CD109: variants seen among roughly 807,000 people sequenced by gnomAD.
CD109 encodes CD109 molecule, also known as CD109 antigen.
CD109 carries 149 observed loss-of-function variants against 165.8 expected under a neutral mutation model. That is an observed-to-expected ratio of 0.90 (90% confidence interval 0.79 to 1.03). CD109 has a LOEUF of 1.03. Among genes scored for constraint, CD109 ranks in the 50% least tolerant of loss-of-function variants. The probability of loss-of-function intolerance (pLI) is 0.00; values close to 1 mark genes in which losing one functional copy is unlikely to be tolerated. For synonymous variants in CD109, 585 were observed against 592.1 expected, an observed-to-expected ratio of 0.99 and a Z score of 0.18; for missense variants, 1,712 against 1,677.8, an observed-to-expected ratio of 1.02 and a Z score of -0.36.
chr6:73,719,232 G>T (rs1771858840), intron 2 of CD109, among the ~76,000 whole-genome samples: 1 of 152,166 alleles, frequency 6.6e-6, no homozygotes, highest in Non-Finnish European at 1.5e-5. Flanking sequence ...TTAAAGAGTT[G>T]CTAGTTAATC....
Position 73,788,503 on chromosome 6 carries a change from C to T in CD109, c.2592C>T (p.Ile864=). 2 of 1,611,512 alleles carry T rather than the reference C, an allele frequency of 1.2e-6. No homozygotes were observed. The highest frequency in any genetic ancestry group is 1.7e-6 in the Non-Finnish European group (2 of 1,179,420). The stretch of plus-strand genomic sequence containing the variant: ...TAGAAAAATCATATTCACAATCCAT[C>T]TTATTAGACTTGACTGACAATAGGC... ...EGIEKSYSQS[I]LLDLTDNRLQ... Residue 864 remains isoleucine, a synonymous_variant, in exon 22 of 33, where the codon ATC becomes ATT. Coordinates refer to ENST00000287097, the MANE Select transcript of CD109 (RefSeq NM_133493.5).
chr6:73,737,226 T>C (rs2150188200), intron 5 of CD109, among the ~76,000 whole-genome samples: 1 of 152,318 alleles, frequency 6.6e-6, no homozygotes, highest in Non-Finnish European at 1.5e-5. Context: ...ATAATCAACT[T>C]TTTCTGTATC....
chr6:73,748,059 G>A (rs1159644314), intron 5 of CD109, among the ~76,000 whole-genome samples: 1 of 151,772 alleles, frequency 6.6e-6, no homozygotes, highest in African/African-American at 2.4e-5. Context: ...TTGTAGAGAT[G>A]GGGTTTCACC....
intron 22 of CD109, among the ~76,000 whole-genome samples, chr6:73,790,471 C>A (rs569855870): frequency 6.6e-6 from 1 of 152,070 alleles, no homozygotes; most frequent in Admixed American, 6.5e-5. Context: ...GAAACAGAAC[C>A]AATAGGAGAT....
chr6:73,769,357 A>G (rs924692885), intron 14 of CD109, among the ~76,000 whole-genome samples: 3 of 152,210 alleles, frequency 2.0e-5, no homozygotes, highest in African/African-American at 7.2e-5. Context: ...ATTGCCTGAC[A>G]AAGGTGAATT....
chr6:73,680,425 A>T, the CD109 span, among the ~76,000 whole-genome samples: 21 of 152,180 alleles, frequency 1.4e-4, no homozygotes, highest in Admixed American at 1.2e-3. Flanking sequence ...AATTGCCCCT[A>T]AGCCAAGACA....
intron 29 of CD109, among the ~76,000 whole-genome samples, chr6:73,813,957 A>G (rs1775842080): frequency 1.3e-5 from 2 of 152,160 alleles, no homozygotes; most frequent in South Asian, 4.1e-4. Context: ...GGAATACTCT[A>G]TAATTTAATC....
chr6:73,728,384 G>A (rs2150176789), intron 3 of CD109, among the ~76,000 whole-genome samples: 1 of 152,232 alleles, frequency 6.6e-6, no homozygotes, highest in African/African-American at 2.4e-5. Flanking sequence ...TCATTTGAAG[G>A]TGACATACTG....
intron 32 of CD109, among the ~76,000 whole-genome samples, chr6:73,822,128 A>G (rs1203237854): frequency 1.3e-5 from 2 of 152,206 alleles, no homozygotes; most frequent in East Asian, 1.9e-4. Context: ...TTTAGGACGT[A>G]AAAATAGAGA....
rs774672922 is a variant in CD109, at chr6:73,783,765, G to A, written c.2164G>A (p.Ala722Thr). The A allele has an allele frequency of 4.3e-6, 7 of 1,613,304 alleles. No homozygotes were observed. Among genetic ancestry groups the A allele is most frequent in the South Asian group, 1.1e-5 (1 of 91,044 alleles). The change falls in exon 19 of 33, where the codon GCT (alanine) becomes ACT (threonine). Residue 722 changes from alanine (A) to threonine (T), a missense_variant. Transcript: ENST00000287097. ...ACCTGATTCTATCACTTCTTGGGTG[G>A]CTACTGGTTTTGTGATCTCTGAGGA... ...TVPDSITSWV[A>T]TGFVISEDLG...
chr6:73,720,802 C>T (rs143213254), intron 2 of CD109, among the ~76,000 whole-genome samples: 1 of 152,272 alleles, frequency 6.6e-6, no homozygotes, highest in African/African-American at 2.4e-5. Context: ...CCTGGTGAGG[C>T]CTCATCTTGT....
intron 2 of CD109, among the ~76,000 whole-genome samples, chr6:73,714,396 T>C (rs1371393873): frequency 6.6e-6 from 1 of 152,198 alleles, no homozygotes; most frequent in East Asian, 1.9e-4. Flanking sequence ...CAACTCTCAC[T>C]GGCCCTGACT....
chr6:73,747,321 C>T (rs1273484879), intron 5 of CD109, among the ~76,000 whole-genome samples: 4 of 152,102 alleles, frequency 2.6e-5, no homozygotes, highest in African/African-American at 7.2e-5. Flanking sequence ...CTTCACATTC[C>T]CATTCTAGCC....
At chr6:73,791,219 AT>A (rs1774952985) in intron 22 of CD109, among the ~76,000 whole-genome samples, 4 of 87,700 alleles carry the variant, frequency 4.6e-5, no homozygotes, top group African/African-American at 1.2e-4. Flanking sequence ...ATATATATAT[AT>A]AATTTTTTTT....
At chr6:73,817,317 C>T (rs1346979786) in intron 30 of CD109, among the ~76,000 whole-genome samples, 1 of 151,894 alleles carries the variant, frequency 6.6e-6, no homozygotes, top group Non-Finnish European at 1.5e-5. Context: ...AGCATATTGA[C>T]TGTTTTTTTC....
the CD109 span, among the ~76,000 whole-genome samples, chr6:73,681,883 C>G: frequency 6.6e-6 from 1 of 151,994 alleles, no homozygotes; most frequent in Non-Finnish European, 1.5e-5. Flanking sequence ...GATTACAGGT[C>G]TGAGCCACCG....
intron 22 of CD109, among the ~76,000 whole-genome samples, chr6:73,789,777 C>CTT: frequency 7.4e-6 from 1 of 134,332 alleles, no homozygotes. Flanking sequence ...TTTTTTTTTC[C>CTT]TTTGATGGAG....
intron 32 of CD109, 91 bp from the exon 33 acceptor site, chr6:73,823,365 CAG>C: frequency 2.1e-6 from 2 of 954,652 alleles, no homozygotes; most frequent in Non-Finnish European, 3.1e-6. Context: ...ATGGAAAACT[CAG>C]AAAAGTGTAT....
At chr6:73,703,166 C>A (rs1252133006) in intron 2 of CD109, among the ~76,000 whole-genome samples, 1 of 152,200 alleles carries the variant, frequency 6.6e-6, no homozygotes, top group East Asian at 1.9e-4. Context: ...TTAGTTGTAT[C>A]TGAGGTCCAG....
Sources: gnomAD v4.1 joint callset for allele counts (sites outside exome capture counted in the v4.1 genomes callset) on GRCh38, gnomAD v4.1.1 for gene constraint, MANE v1.5 for transcripts, NCBI Gene and HGNC (gene_info 2026-07-23, HGNC 2026-07-21) for gene names.